MCTP2: variants seen among roughly 807,000 people sequenced by gnomAD.
MCTP2 encodes multiple C2 and transmembrane domain-containing protein 2.
MCTP2 carries 132 observed loss-of-function variants against 111.6 expected under a neutral mutation model. The observed-to-expected ratio is 1.18, with a 90% confidence interval of 1.03 to 1.37. The LOEUF (loss-of-function observed/expected upper bound fraction) is 1.37, where lower values mean the gene tolerates loss of function less well. MCTP2 is among the 40% of genes most tolerant of loss of function. The pLI is 0.00. For missense variants in MCTP2, 1,183 were observed against 1,067.9 expected (o/e 1.11, Z -1.50); for synonymous variants, 395 against 387.7 (o/e 1.02, Z -0.22).
chr15:94,391,810 A>T (rs939593561), intron 14 of MCTP2, among the ~76,000 whole-genome samples: 4 of 152,228 alleles, frequency 2.6e-5, no homozygotes, highest in Admixed American at 1.3e-4. Flanking sequence ...TAAGAGAGAA[A>T]GAATGACTGT....
chr15:94,245,219 T>C (rs2071741276), intron 1 of MCTP2, among the ~76,000 whole-genome samples: 1 of 120,996 alleles, frequency 8.3e-6, no homozygotes, highest in African/African-American at 2.6e-5. Context: ...TACATATGTG[T>C]ATATATACAT....
chr15:94,306,541 A>G (rs941023863), intron 2 of MCTP2, among the ~76,000 whole-genome samples: 2 of 152,198 alleles, frequency 1.3e-5, no homozygotes, highest in South Asian at 4.1e-4. Context: ...ATCTGGAGAT[A>G]AAAAAAGTTG....
At chr15:94,346,779 G>C (rs16948980) in intron 8 of MCTP2, among the ~76,000 whole-genome samples, 10,952 of 152,134 alleles carry the variant, frequency 0.072, 505 homozygotes, top group African/African-American at 0.13. Flanking sequence ...CCAAACGAAT[G>C]ATGGGGAGTA....
rs1002218170 is a variant in MCTP2 at position 94,233,228 on chromosome 15, T to C, written c.-66+1564T>C. ...GCACTTGTGTGGTCAAGCTGTGACC[T>C]ATCTGTGACTAGTAGATGTAGCTTT... On this transcript the variant is annotated intron_variant, in intron 1 of 22. Coordinates refer to ENST00000357742, the MANE Select transcript of MCTP2 (RefSeq NM_001385001.1). Among the ~76,000 whole-genome samples, 3 of 152,190 alleles carry C rather than the reference T, an allele frequency of 2.0e-5. No homozygotes were observed. The East Asian group carries it at 5.8e-4, about 29-fold the overall frequency.
At chr15:94,445,533 T>C (rs547138168) in intron 19 of MCTP2, among the ~76,000 whole-genome samples, 2 of 152,300 alleles carry the variant, frequency 1.3e-5, no homozygotes, top group South Asian at 4.1e-4. Context: ...AAAGGGATCT[T>C]CAACTTTCAG....
intron 2 of MCTP2, among the ~76,000 whole-genome samples, chr15:94,311,229 G>T (rs530310586): frequency 1.3e-5 from 2 of 151,892 alleles, no homozygotes; most frequent in Admixed American, 6.6e-5. Context: ...GGTTTGCCAT[G>T]TTGGCCAGGC....
chr15:94,293,798 G>T (rs971347358), intron 1 of MCTP2, among the ~76,000 whole-genome samples: 3 of 152,348 alleles, frequency 2.0e-5, no homozygotes, highest in Admixed American at 1.3e-4. Context: ...CTGGCAAAGA[G>T]TTATCAGGTT....
intron 21 of MCTP2, among the ~76,000 whole-genome samples, chr15:94,475,395 CTG>C: frequency 6.6e-6 from 1 of 152,300 alleles, no homozygotes; most frequent in Middle Eastern, 3.4e-3. Context: ...AAAGAAATAA[CTG>C]GAGGTTGGCA....
intron 4 of MCTP2, among the ~76,000 whole-genome samples, chr15:94,332,511 A>G (rs907387244): frequency 2.6e-5 from 4 of 152,218 alleles, no homozygotes; most frequent in Non-Finnish European, 5.9e-5. Flanking sequence ...GGGGTTTTAT[A>G]TATGTAGCTC....
intron 17 of MCTP2, among the ~76,000 whole-genome samples, chr15:94,430,373 CAAAA>C (rs754642193): frequency 8.5e-5 from 12 of 140,492 alleles, no homozygotes; most frequent in Non-Finnish European, 1.5e-4. Context: ...AAAAAACAAA[CAAAA>C]AAAACCCAAA....
chr15:94,383,508 A>C (rs2152454925), intron 12 of MCTP2, among the ~76,000 whole-genome samples: 1 of 152,314 alleles, frequency 6.6e-6, no homozygotes, highest in Non-Finnish European at 1.5e-5. Flanking sequence ...TTTATAAAAG[A>C]GGGTTAATGG....
intron 19 of MCTP2, among the ~76,000 whole-genome samples, chr15:94,449,026 G>A (rs956224086): frequency 2.6e-5 from 4 of 152,120 alleles, no homozygotes; most frequent in Non-Finnish European, 5.9e-5. Flanking sequence ...GCGACAGAGC[G>A]AGACTCCATC....
intron 1 of MCTP2, among the ~76,000 whole-genome samples, chr15:94,232,273 C>T (rs1421084283): frequency 6.7e-6 from 1 of 149,910 alleles, no homozygotes; most frequent in Non-Finnish European, 1.5e-5. Flanking sequence ...AATGTGCTGA[C>T]GGCTTTTTTT....
At chr15:94,246,981 C>G (rs752493009) in intron 1 of MCTP2, among the ~76,000 whole-genome samples, 1 of 152,128 alleles carries the variant, frequency 6.6e-6, no homozygotes, top group Non-Finnish European at 1.5e-5. Context: ...TATTTTAAGA[C>G]AAACTCCCAT....
chr15:94,272,358 T>A (rs2073950838), intron 1 of MCTP2, among the ~76,000 whole-genome samples: 1 of 152,144 alleles, frequency 6.6e-6, no homozygotes, highest in Non-Finnish European at 1.5e-5. Context: ...AATGAGTAAT[T>A]ACTGATTGAA....
Position 94,347,901 on chromosome 15 carries a change from T to TAC in MCTP2, c.1005+2753_1005+2754dup, listed in dbSNP as rs57419585. Among the ~76,000 whole-genome samples the TAC allele has an allele frequency of 5.4e-3, 807 of 149,564 alleles. 13 individuals carry two copies. The highest frequency in any genetic ancestry group is 0.018 in the African/African-American group (724 of 40,084). On this transcript the variant is annotated intron_variant, in intron 8 of 22. Coordinates refer to ENST00000357742, the MANE Select transcript of MCTP2 (RefSeq NM_001385001.1). Reference sequence around the variant, plus strand: ...TCTCTCTCTCACACACACACAGACATACACACACACACACACATACACTCC... The same window carrying TAC: ...TCTCTCTCTCACACACACACAGACATACACACACACACACACACATACACTCC...
intron 4 of MCTP2, among the ~76,000 whole-genome samples, chr15:94,322,927 A>G (rs927798222): frequency 6.6e-6 from 1 of 152,172 alleles, no homozygotes; most frequent in Admixed American, 6.5e-5. Context: ...GTTTTTGGTG[A>G]CTTTGCCCAC....
chr15:94,313,980 C>T (rs985355641), intron 2 of MCTP2, among the ~76,000 whole-genome samples: 2 of 152,210 alleles, frequency 1.3e-5, no homozygotes, highest in African/African-American at 4.8e-5. Context: ...CTGTGCTGCC[C>T]CGCTGCTTTC....
At chr15:94,469,242 T>C (rs1431257618) in intron 20 of MCTP2, among the ~76,000 whole-genome samples, 1 of 152,182 alleles carries the variant, frequency 6.6e-6, no homozygotes, top group Non-Finnish European at 1.5e-5. Context: ...ATGAAGACCA[T>C]TAAGAAGAAA....
Sources: allele counts gnomAD v4.1 joint callset (sites outside exome capture counted in the v4.1 genomes callset), GRCh38; gene constraint gnomAD v4.1.1; transcripts MANE v1.5; gene names NCBI Gene and HGNC (gene_info 2026-07-23, HGNC 2026-07-21).